BLTP1: variants seen among roughly 807,000 people sequenced by gnomAD.
The protein encoded by BLTP1 is fragile site-associated protein.
chr4:122,213,955 A>G, the BLTP1 span, among the ~76,000 whole-genome samples: 1 of 152,172 alleles, frequency 6.6e-6, no homozygotes, highest in East Asian at 1.9e-4. Flanking sequence ...TTTTATAGTG[A>G]TAACATGTCA....
At chr4:122,259,429 AT>A in the BLTP1 span, among the ~76,000 whole-genome samples, 1 of 152,168 alleles carries the variant, frequency 6.6e-6, no homozygotes, top group Non-Finnish European at 1.5e-5. Flanking sequence ...AATTGAGTTA[AT>A]TCATGAAAAA....
the BLTP1 span, chr4:122,309,445 G>T: frequency 1.2e-6 from 2 of 1,612,718 alleles, no homozygotes; most frequent in South Asian, 1.1e-5. Flanking sequence ...AAATTCATGG[G>T]GATTTAGTGA....
the BLTP1 span, chr4:122,304,488 G>A: frequency 6.5e-6 from 1 of 153,982 alleles, no homozygotes; most frequent in Non-Finnish European, 1.4e-5. Flanking sequence ...TGAGATTACA[G>A]GCGTGAGCCA....
At chr4:122,323,679 C>A in the BLTP1 span, among the ~76,000 whole-genome samples, 1 of 151,914 alleles carries the variant, frequency 6.6e-6, no homozygotes, top group South Asian at 2.1e-4. Flanking sequence ...ATAGTGAGAT[C>A]TGTAACATGT....
chr4:122,225,885 A>G, the BLTP1 span: 1 of 152,184 alleles, frequency 6.6e-6, no homozygotes. Flanking sequence ...GAATAAAGCC[A>G]TGCTGATCCT....
At chr4:122,203,724 A>G in the BLTP1 span, 2 of 243,016 alleles carry the variant, frequency 8.2e-6, no homozygotes. Flanking sequence ...TAAAGATGTT[A>G]TAGAAACTGG....
chr4:122,281,877 G>C, the BLTP1 span: 1 of 1,318,474 alleles, frequency 7.6e-7, no homozygotes. Flanking sequence ...GATATTATAA[G>C]TAATTTTGAT....
the BLTP1 span, chr4:122,315,328 C>G: frequency 8.6e-7 from 1 of 1,163,676 alleles, no homozygotes; most frequent in East Asian, 2.5e-5. Flanking sequence ...GAAATCAATC[C>G]TGTAGTCTGA....
the BLTP1 span, chr4:122,206,093 G>A: frequency 2.0e-6 from 2 of 976,176 alleles, no homozygotes; most frequent in Non-Finnish European, 2.4e-6. Flanking sequence ...ATTTTAAAAA[G>A]CAGTTTAAAC....
the BLTP1 span, among the ~76,000 whole-genome samples, chr4:122,332,783 C>A: frequency 1.7e-5 from 2 of 114,594 alleles, no homozygotes; most frequent in South Asian, 3.7e-4. Context: ...CCTCCCCCCT[C>A]CCCCCACCCC....
the BLTP1 span, chr4:122,341,630 C>A: frequency 8.5e-6 from 8 of 935,742 alleles, no homozygotes; most frequent in Non-Finnish European, 1.0e-5. Context: ...GAATAGCACC[C>A]CTCATTTTAT....
At chr4:122,167,214 GA>G in the BLTP1 span, among the ~76,000 whole-genome samples, 1 of 151,902 alleles carries the variant, frequency 6.6e-6, no homozygotes, top group Admixed American at 6.6e-5. Context: ...CATTTATATT[GA>G]AAACCATAGC....
chr4:122,170,246 C>A, the BLTP1 span: 1 of 557,684 alleles, frequency 1.8e-6, no homozygotes, highest in Non-Finnish European at 2.3e-6. Context: ...GTGGAGGTTG[C>A]CTGAGCCGAG....
chr4:122,305,299 T>TA, the BLTP1 span: 2 of 972,736 alleles, frequency 2.1e-6, no homozygotes, highest in Non-Finnish European at 2.4e-6. Context: ...ACTCAGTTCT[T>TA]AAAATGTTAA....
the BLTP1 span, among the ~76,000 whole-genome samples, chr4:122,318,465 T>C: frequency 2.0e-5 from 3 of 152,214 alleles, no homozygotes; most frequent in African/African-American, 7.2e-5. Context: ...GTCAAGTAAT[T>C]TGACCAAAGT....
chr4:122,216,176 TG>T, the BLTP1 span, among the ~76,000 whole-genome samples: 2 of 152,120 alleles, frequency 1.3e-5, no homozygotes, highest in Non-Finnish European at 2.9e-5. Context: ...CATTGGTTGT[TG>T]GGCATTAAGG....
At chr4:122,272,301 G>C in the BLTP1 span, 1 of 1,613,294 alleles carries the variant, frequency 6.2e-7, no homozygotes, top group Non-Finnish European at 8.5e-7. Context: ...TTTGGGATTG[G>C]CATGGTGAAC....
the BLTP1 span, among the ~76,000 whole-genome samples, chr4:122,179,435 G>A: frequency 6.6e-6 from 1 of 152,086 alleles, no homozygotes; most frequent in Non-Finnish European, 1.5e-5. Flanking sequence ...TGATTAAACA[G>A]TAAACCAGAT....
At chr4:122,360,314 A>G in the BLTP1 span, among the ~76,000 whole-genome samples, 1 of 152,282 alleles carries the variant, frequency 6.6e-6, no homozygotes, top group East Asian at 1.9e-4. Context: ...CCAAAATTTC[A>G]AAAGTATTTT....
Sources: gnomAD v4.1 joint callset for allele counts (sites outside exome capture counted in the v4.1 genomes callset) on GRCh38, gnomAD v4.1.1 for gene constraint, MANE v1.5 for transcripts, NCBI Gene and HGNC (gene_info 2026-07-23, HGNC 2026-07-21) for gene names.